The following CTNND2 variants were observed in gnomAD, a reference collection of about 807,000 sequenced individuals.
CTNND2 encodes the protein catenin delta-2.
Under a neutral mutation model 144.4 loss-of-function variants are expected in CTNND2, and 22 were observed. That is an observed-to-expected ratio of 0.15 (90% confidence interval 0.11 to 0.22). CTNND2 has a LOEUF of 0.22. Ranked by LOEUF, CTNND2 falls within the 10% of genes least tolerant of loss-of-function variation. CTNND2 has a pLI of 1.00. For missense variants in CTNND2, 1,353 were observed against 1,618.8 expected, an observed-to-expected ratio of 0.84 and a Z score of 2.82; for synonymous variants, 751 against 695.6, an observed-to-expected ratio of 1.08 and a Z score of -1.25.
chr5:11,462,810 T>C (rs2149937258), intron 3 of CTNND2, among the ~76,000 whole-genome samples: 1 of 152,188 alleles, frequency 6.6e-6, no homozygotes. Context: ...TATGTGTTTC[T>C]TAACACTTGT....
rs184068470 is a variant in CTNND2 at position 11,498,926 on chromosome 5, T to A, written c.287+66018A>T. ...TAAGATCTGGATGTGTGTTTTTTTT[T>A]AAATGTATTTGATGGCTTTTGAACA... On this transcript the variant is annotated intron_variant, in intron 3 of 21. Transcript: ENST00000304623. Among the ~76,000 whole-genome samples the A allele has an allele frequency of 2.9e-3, 440 of 152,302 alleles. 1 individual carries two copies. The highest frequency in any genetic ancestry group is 9.0e-3 in the African/African-American group (375 of 41,578).
At chr5:10,986,722 C>T (rs1214322689) in intron 20 of CTNND2, 2 of 454,900 alleles carry the variant, frequency 4.4e-6, no homozygotes, top group East Asian at 7.0e-5. Flanking sequence ...AGGGTCTGCA[C>T]ATGGAGGCAG....
chr5:11,109,517 C>T (rs996113265), intron 14 of CTNND2, among the ~76,000 whole-genome samples: 3 of 152,074 alleles, frequency 2.0e-5, no homozygotes, highest in African/African-American at 7.2e-5. Context: ...AGAAAAAGTT[C>T]TAGAGGCCAT....
At position 11,032,712 on chromosome 5, in the gene CTNND2, G is replaced by A. The variant is rs79389335; in HGVS notation, c.2789-9733C>T. On this transcript the variant is annotated intron_variant, in intron 16 of 21. Transcript: ENST00000304623. ...AAAGGAACACTATGTGCTACAACGT[G>A]AAAAGATTTGAATGGTATTATGCTA... Among the ~76,000 whole-genome samples the A allele has an allele frequency of 4.9e-3, 741 of 152,272 alleles. 9 individuals carry two copies. The highest frequency in any genetic ancestry group is 4.6e-3 in the Non-Finnish European group (310 of 68,018).
intron 2 of CTNND2, among the ~76,000 whole-genome samples, chr5:11,578,827 G>A (rs1581542244): frequency 6.6e-6 from 1 of 152,302 alleles, no homozygotes; most frequent in South Asian, 2.1e-4. Context: ...TGGCCCATTG[G>A]TATTTCCTAT....
intron 5 of CTNND2, among the ~76,000 whole-genome samples, chr5:11,406,835 T>TA (rs397972728): frequency 1.3e-5 from 2 of 152,008 alleles, no homozygotes; most frequent in Non-Finnish European, 2.9e-5. Context: ...TACTTTTTTT[T>TA]AACCATAACA....
At chr5:11,751,158 T>C (rs541997293) in intron 1 of CTNND2, among the ~76,000 whole-genome samples, 1 of 152,028 alleles carries the variant, frequency 6.6e-6, no homozygotes, top group African/African-American at 2.4e-5. Flanking sequence ...TGCTCACAAT[T>C]TAATCAATAT....
intron 9 of CTNND2, among the ~76,000 whole-genome samples, chr5:11,331,346 A>C (rs1213496455): frequency 6.6e-6 from 1 of 152,148 alleles, no homozygotes; most frequent in Non-Finnish European, 1.5e-5. Flanking sequence ...TATGAGGGGA[A>C]ATTAACCCCT....
intron 1 of CTNND2, among the ~76,000 whole-genome samples, chr5:11,787,102 G>A (rs1790876355): frequency 6.6e-6 from 1 of 152,184 alleles, no homozygotes; most frequent in Admixed American, 6.5e-5. Context: ...TCTGGACTAT[G>A]CGATAGTGGA....
intron 11 of CTNND2, among the ~76,000 whole-genome samples, chr5:11,164,607 T>C (rs1759117647): frequency 6.6e-6 from 1 of 152,148 alleles, no homozygotes; most frequent in African/African-American, 2.4e-5. Flanking sequence ...AATGGCCTGT[T>C]TCTTCTTGAA....
chr5:11,259,108 G>A (rs1744582873), intron 9 of CTNND2, among the ~76,000 whole-genome samples: 1 of 152,152 alleles, frequency 6.6e-6, no homozygotes, highest in Admixed American at 6.5e-5. Context: ...TTAATAATAT[G>A]GGTGAGCCTT....
At chr5:11,081,918 C>T (rs1309224185) in intron 16 of CTNND2, among the ~76,000 whole-genome samples, 1 of 152,130 alleles carries the variant, frequency 6.6e-6, no homozygotes, top group Non-Finnish European at 1.5e-5. Flanking sequence ...GGTGATTGTA[C>T]AACATTATGA....
intron 15 of CTNND2, among the ~76,000 whole-genome samples, chr5:11,088,813 T>A (rs2907107): frequency 0.15 from 22,302 of 152,180 alleles, 2,039 homozygotes; most frequent in African/African-American, 0.26. Flanking sequence ...AGTATAAATC[T>A]AATATATTAG....
chr5:11,848,022 T>C (rs1197607557), intron 1 of CTNND2, among the ~76,000 whole-genome samples: 1 of 152,074 alleles, frequency 6.6e-6, no homozygotes, highest in Admixed American at 6.6e-5. Context: ...TATTTTAAAA[T>C]ATCAATGAGA....
intron 3 of CTNND2, among the ~76,000 whole-genome samples, chr5:11,441,903 T>C (rs2149894111): frequency 6.6e-6 from 1 of 152,340 alleles, no homozygotes; most frequent in East Asian, 1.9e-4. Flanking sequence ...TACGCTTTTT[T>C]CCATCTGTAA....
At chr5:11,475,065 T>C (rs569104204) in intron 3 of CTNND2, among the ~76,000 whole-genome samples, 3 of 152,370 alleles carry the variant, frequency 2.0e-5, no homozygotes, top group African/African-American at 7.2e-5. Context: ...TCCTTTTAGC[T>C]AGAGGTTATA....
intron 2 of CTNND2, among the ~76,000 whole-genome samples, chr5:11,637,671 C>A (rs1781782801): frequency 6.6e-6 from 1 of 152,102 alleles, no homozygotes; most frequent in Non-Finnish European, 1.5e-5. Context: ...ACATAAAAAA[C>A]AGAGACCTTA....
chr5:11,397,463 TAG>T (rs1433539301), intron 5 of CTNND2, among the ~76,000 whole-genome samples: 1 of 152,148 alleles, frequency 6.6e-6, no homozygotes, highest in Non-Finnish European at 1.5e-5. Context: ...CTGACCTACA[TAG>T]AGACATTTCT....
intron 1 of CTNND2, among the ~76,000 whole-genome samples, chr5:11,750,828 T>G (rs1345867545): frequency 3.3e-5 from 5 of 151,860 alleles, no homozygotes; most frequent in Non-Finnish European, 5.9e-5. Flanking sequence ...TAAATTATCT[T>G]TGTTAATATA....
Sources: allele counts gnomAD v4.1 joint callset (sites outside exome capture counted in the v4.1 genomes callset), GRCh38; gene constraint gnomAD v4.1.1; transcripts MANE v1.5; gene names NCBI Gene and HGNC (gene_info 2026-07-23, HGNC 2026-07-21).